Variants in FBXW8 observed in about 807,000 individuals in gnomAD.
FBXW8 encodes the protein F-box/WD repeat-containing protein 8.
FBXW8 carries 57 observed loss-of-function variants against 65.3 expected under a neutral mutation model. The observed-to-expected ratio is 0.87, with a 90% CI of 0.71 to 1.09. FBXW8 has a LOEUF of 1.09. Ranked by LOEUF, FBXW8 falls within the 50% of genes least tolerant of loss-of-function variation. FBXW8 has a pLI of 0.00. For synonymous variants in FBXW8, 308 were observed against 330.2 expected, an observed-to-expected ratio of 0.93 and a Z score of 0.73; for missense variants, 777 against 814.8, an observed-to-expected ratio of 0.95 and a Z score of 0.57.
chr12:116,988,416 G>A (rs1379214280), intron 6 of FBXW8, among the ~76,000 whole-genome samples: 2 of 152,180 alleles, frequency 1.3e-5, no homozygotes, highest in African/African-American at 2.4e-5. Context: ...TATGAAAGGT[G>A]AAGCATCATA....
At chr12:116,927,258 CAAAT>C (rs1472182731) in intron 1 of FBXW8, among the ~76,000 whole-genome samples, 1 of 152,150 alleles carries the variant, frequency 6.6e-6, no homozygotes, top group Non-Finnish European at 1.5e-5. Context: ...CCTTATCTCT[CAAAT>C]AAAGCCCGTT....
chr12:116,977,663 G>A (rs1051116246), intron 5 of FBXW8: 2 of 152,034 alleles, frequency 1.3e-5, no homozygotes, highest in Admixed American at 6.6e-5. Flanking sequence ...TGTGTATATC[G>A]GTTATAGAGA....
intron 1 of FBXW8, among the ~76,000 whole-genome samples, chr12:116,916,905 T>TGA (rs1166451889): frequency 9.9e-4 from 90 of 90,712 alleles, no homozygotes; most frequent in African/African-American, 2.7e-3. Context: ...TGTGTGTGTG[T>TGA]GTGTGTGAGA....
chr12:116,982,706 C>T (rs546197195), intron 5 of FBXW8, among the ~76,000 whole-genome samples: 8 of 149,830 alleles, frequency 5.3e-5, no homozygotes, highest in African/African-American at 1.7e-4. Context: ...TATTTTATTG[C>T]ATAAAGTTCT....
rs193090055 is a variant in FBXW8, at chr12:116,929,172, A to G, written c.423+1045A>G. On this transcript the variant is annotated intron_variant, in intron 2 of 10. Transcript: ENST00000652555. ...CTTTGGCCACACTTTGAGAGAGGCA[A>G]AGGTTTATGCCATTAACATCGTTCT... Among the ~76,000 whole-genome samples, 2 of 152,174 alleles carry G rather than the reference A, an allele frequency of 1.3e-5. 1 individual carries two copies. Among genetic ancestry groups the G allele is most frequent in the Admixed American group, 1.3e-4 (2 of 15,286 alleles).
chr12:116,946,011 C>A (rs1399714259), intron 3 of FBXW8, among the ~76,000 whole-genome samples: 2 of 152,242 alleles, frequency 1.3e-5, no homozygotes, highest in Non-Finnish European at 2.9e-5. Context: ...TTTATCACTT[C>A]AAAGTCTCTA....
chr12:117,029,289 C>T lies in FBXW8; in HGVS notation c.*1117C>T, dbSNP rs1414624795. On this transcript the variant is annotated 3_prime_UTR_variant, in exon 11 of 11. Transcript: ENST00000652555. Reference sequence around the variant, plus strand: ...GGCTATACCCTCAGGCAGGGCCCTGCTTTTCTAGGAATTGACTCCAATGCA... The same window carrying T: ...GGCTATACCCTCAGGCAGGGCCCTGTTTTTCTAGGAATTGACTCCAATGCA... The T allele has an allele frequency of 6.6e-6, 1 of 152,204 alleles. No homozygotes were observed. The highest frequency in any genetic ancestry group is 1.5e-5 in the Non-Finnish European group (1 of 68,060). 9.4% of individuals were successfully genotyped at this position (152,204 alleles called of 1,614,324 possible). A position where few individuals can be genotyped will look rare whatever the true frequency, so the allele number is the denominator to read the frequency against.
chr12:116,964,201 T>C (rs1037114484), intron 4 of FBXW8, among the ~76,000 whole-genome samples: 1 of 152,232 alleles, frequency 6.6e-6, no homozygotes, highest in African/African-American at 2.4e-5. Flanking sequence ...CAATTAGTCT[T>C]CAGGGACTTT....
At chr12:116,926,639 AT>A (rs896522445) in intron 1 of FBXW8, among the ~76,000 whole-genome samples, 6 of 151,578 alleles carry the variant, frequency 4.0e-5, no homozygotes, top group Admixed American at 2.0e-4. Flanking sequence ...ACAATTGCAG[AT>A]TTTTTTTCCT....
At chr12:117,015,353 A>C (rs973471265) in intron 8 of FBXW8, among the ~76,000 whole-genome samples, 2 of 152,144 alleles carry the variant, frequency 1.3e-5, no homozygotes, top group Non-Finnish European at 2.9e-5. Context: ...GGCAGTCGGC[A>C]GGAGAGAGGC....
At chr12:116,923,161 G>A (rs974809001) in intron 1 of FBXW8, among the ~76,000 whole-genome samples, 14 of 152,102 alleles carry the variant, frequency 9.2e-5, no homozygotes, top group African/African-American at 2.7e-4. Flanking sequence ...AGCCAGGATC[G>A]TGCCACTGCA....
rs1482885111 is a variant in FBXW8 at position 116,936,326 on chromosome 12, TGTC to T, written c.423+8202_423+8204del. ...CAGCAGGAAGGTCCAAGTGGGTGGT[TGTC>T]GTACGCTGAATAATGGCCCTCCCAA... On this transcript the variant is annotated intron_variant, in intron 2 of 10. Transcript: ENST00000652555. This position sits in a 1 kb window ranked among gnomAD's most constrained non-coding sequence, Gnocchi z 4.6. Among the ~76,000 whole-genome samples the T allele has an allele frequency of 6.6e-6, 1 of 152,196 alleles. No individual in the cohort carries two copies. The highest frequency in any genetic ancestry group is 2.4e-5 in the African/African-American group (1 of 41,452).
intron 8 of FBXW8, 129 bp from the exon 9 acceptor site, chr12:117,024,018 T>C: frequency 1.1e-6 from 1 of 872,090 alleles, no homozygotes; most frequent in Non-Finnish European, 1.7e-6. Context: ...ATTATCGATG[T>C]TTGTTTGCAG....
intron 6 of FBXW8, chr12:116,987,267 A>G (rs7308498): frequency 0.69 from 104,410 of 152,298 alleles, 40,164 homozygotes; most frequent in Non-Finnish European, 0.84. Context: ...ACTCTTTGGC[A>G]TATGGTCAGG....
intron 5 of FBXW8, among the ~76,000 whole-genome samples, chr12:116,983,260 A>G (rs933143707): frequency 7.9e-5 from 12 of 152,240 alleles, no homozygotes; most frequent in African/African-American, 2.7e-4. Context: ...TCTGATATGT[A>G]GAGCCACTGG....
At chr12:116,939,064 T>C (rs1410194674) in intron 2 of FBXW8, among the ~76,000 whole-genome samples, 1 of 152,176 alleles carries the variant, frequency 6.6e-6, no homozygotes, top group Admixed American at 6.5e-5. Flanking sequence ...GTAACCCAAA[T>C]CAGTGTTCTC....
At chr12:117,018,026 A>G (rs1035961283) in intron 8 of FBXW8, among the ~76,000 whole-genome samples, 6 of 152,114 alleles carry the variant, frequency 3.9e-5, no homozygotes, top group Non-Finnish European at 8.8e-5. Context: ...GTGTTATAAT[A>G]AGTTATTCAG....
chr12:116,968,574 A>G lies in FBXW8; in HGVS notation c.835+3720A>G, dbSNP rs377300123. Among the ~76,000 whole-genome samples, 11 of 152,308 alleles carry G rather than the reference A, an allele frequency of 7.2e-5. No homozygotes were observed. In the South Asian group the frequency reaches 2.3e-3, roughly 32 times the overall value. Reference sequence around the variant, plus strand: ...GTTTGCCGTTACAGTGTTGTAGTGAAAAACCTTGTAAAGATGACATTTCAC... The same window carrying G: ...GTTTGCCGTTACAGTGTTGTAGTGAGAAACCTTGTAAAGATGACATTTCAC... On this transcript the variant is annotated intron_variant, in intron 5 of 10. Coordinates refer to ENST00000652555, the MANE Select transcript of FBXW8 (RefSeq NM_153348.3).
chr12:117,001,310 CT>C (rs1381894993), intron 7 of FBXW8, among the ~76,000 whole-genome samples: 3 of 152,170 alleles, frequency 2.0e-5, no homozygotes, highest in Non-Finnish European at 2.9e-5. Flanking sequence ...CAGTCTCCCC[CT>C]GGGGCTATTT....
Sources: allele counts gnomAD v4.1 joint callset (sites outside exome capture counted in the v4.1 genomes callset), GRCh38; gene constraint gnomAD v4.1.1; non-coding constraint Gnocchi (gnomAD v3.1); transcripts MANE v1.5; gene names NCBI Gene and HGNC (gene_info 2026-07-23, HGNC 2026-07-21).